The following NLGN1 variants were observed in gnomAD, a reference collection of about 807,000 sequenced individuals.
The protein encoded by NLGN1 is neuroligin 1, also known as neuroligin-1.
In NLGN1, 12 loss-of-function variants were observed where a neutral mutation model predicts 65.5. The ratio of observed to expected loss-of-function variants is 0.18; its 90% CI spans 0.12 to 0.30. The LOEUF (loss-of-function observed/expected upper bound fraction) is 0.30. Ranked by LOEUF, NLGN1 falls within the 10% of genes least tolerant of loss-of-function variation. The pLI is 1.00. For missense variants in NLGN1, 750 were observed against 1,007.1 expected, an observed-to-expected ratio of 0.74 and a Z score of 3.46; for synonymous variants, 350 against 359.5, an observed-to-expected ratio of 0.97 and a Z score of 0.30.
At chr3:173,882,052 A>G (rs931373192) in intron 4 of NLGN1, among the ~76,000 whole-genome samples, 4 of 152,188 alleles carry the variant, frequency 2.6e-5, no homozygotes, top group Non-Finnish European at 5.9e-5. Flanking sequence ...AGGCATAAAA[A>G]CAATAATCTC....
intron 4 of NLGN1, among the ~76,000 whole-genome samples, chr3:174,207,860 A>G (rs1292059129): frequency 2.0e-5 from 3 of 152,186 alleles, no homozygotes; most frequent in Non-Finnish European, 2.9e-5. Flanking sequence ...TTCTTGTTAG[A>G]GATGTACAAA....
intron 3 of NLGN1, among the ~76,000 whole-genome samples, chr3:173,710,464 T>C (rs564912650): frequency 6.6e-6 from 1 of 152,292 alleles, no homozygotes; most frequent in East Asian, 1.9e-4. Flanking sequence ...AAGTTTTAAA[T>C]GCAACGTTTC....
At chr3:173,715,720 A>G (rs1417912760) in intron 3 of NLGN1, among the ~76,000 whole-genome samples, 2 of 152,118 alleles carry the variant, frequency 1.3e-5, no homozygotes, top group Admixed American at 6.6e-5. Context: ...TTTTTAAGCT[A>G]TTTTCCAGAT....
chr3:174,152,419 T>C (rs1561168228), intron 4 of NLGN1, among the ~76,000 whole-genome samples: 1 of 152,124 alleles, frequency 6.6e-6, no homozygotes, highest in Non-Finnish European at 1.5e-5. Context: ...CACCGCATGT[T>C]CTCACTCATA....
At chr3:174,170,155 T>C (rs1458217200) in intron 4 of NLGN1, among the ~76,000 whole-genome samples, 1 of 152,096 alleles carries the variant, frequency 6.6e-6, no homozygotes, top group Non-Finnish European at 1.5e-5. Flanking sequence ...GAGTTGATCT[T>C]TATGTACTAT....
intron 3 of NLGN1, among the ~76,000 whole-genome samples, chr3:173,655,510 A>G (rs1422669474): frequency 6.6e-6 from 1 of 151,984 alleles, no homozygotes; most frequent in East Asian, 1.9e-4. Flanking sequence ...TTTGAGCTAC[A>G]TTTTTGGAAG....
At chr3:173,957,022 T>C (rs1712239091) in intron 4 of NLGN1, among the ~76,000 whole-genome samples, 1 of 152,116 alleles carries the variant, frequency 6.6e-6, no homozygotes, top group East Asian at 1.9e-4. Context: ...TAGGCATGTA[T>C]GAAAAGCTAT....
intron 3 of NLGN1, among the ~76,000 whole-genome samples, chr3:173,660,851 A>G (rs1347597778): frequency 1.3e-5 from 2 of 151,962 alleles, no homozygotes; most frequent in Non-Finnish European, 2.9e-5. Context: ...TCTTCACATT[A>G]TACTTGGATG....
intron 2 of NLGN1, among the ~76,000 whole-genome samples, chr3:173,600,116 A>C (rs903602131): frequency 1.3e-5 from 2 of 151,946 alleles, no homozygotes; most frequent in Non-Finnish European, 2.9e-5. Flanking sequence ...AGTTGCAAGC[A>C]TTAAGGATTA....
At chr3:173,456,269 C>G (rs2148869193) in intron 2 of NLGN1, among the ~76,000 whole-genome samples, 1 of 152,070 alleles carries the variant, frequency 6.6e-6, no homozygotes, top group Admixed American at 6.5e-5. Context: ...TGACATGAAA[C>G]AGTGACAAGA....
At chr3:173,493,535 A>C (rs777072626) in intron 2 of NLGN1, among the ~76,000 whole-genome samples, 1 of 151,914 alleles carries the variant, frequency 6.6e-6, no homozygotes, top group Non-Finnish European at 1.5e-5. Flanking sequence ...TATAATAGCT[A>C]ACATTTTATA....
intron 4 of NLGN1, among the ~76,000 whole-genome samples, chr3:174,208,002 A>G (rs1357560070): frequency 2.6e-5 from 4 of 152,228 alleles, no homozygotes; most frequent in Non-Finnish European, 4.4e-5. Flanking sequence ...ACCCCTTGAC[A>G]CATTATAAAG....
intron 4 of NLGN1, among the ~76,000 whole-genome samples, chr3:174,069,598 A>T (rs1344031864): frequency 6.6e-6 from 1 of 151,654 alleles, no homozygotes; most frequent in Non-Finnish European, 1.5e-5. Context: ...ATGAAGGAAA[A>T]ACAGCACACT....
chr3:173,451,420 AG>A (rs1721496231), intron 2 of NLGN1, among the ~76,000 whole-genome samples: 1 of 152,092 alleles, frequency 6.6e-6, no homozygotes, highest in Non-Finnish European at 1.5e-5. Context: ...TTCCTCTGGA[AG>A]TTTTGTCTCA....
intron 4 of NLGN1, among the ~76,000 whole-genome samples, chr3:173,849,203 C>T (rs1016604117): frequency 5.3e-5 from 8 of 151,908 alleles, no homozygotes; most frequent in Non-Finnish European, 1.0e-4. Context: ...AAATTAATGA[C>T]GGTATTTTTT....
intron 4 of NLGN1, among the ~76,000 whole-genome samples, chr3:174,099,945 G>T (rs1218099973): frequency 1.3e-5 from 2 of 152,136 alleles, no homozygotes; most frequent in African/African-American, 2.4e-5. Flanking sequence ...TGTGGCAGCT[G>T]TCACTGTTGA....
chr3:173,927,088 A>C (rs938783559), intron 4 of NLGN1, among the ~76,000 whole-genome samples: 22 of 151,634 alleles, frequency 1.5e-4, no homozygotes, highest in African/African-American at 5.3e-4. Context: ...TTTGAAATGG[A>C]GTTTCACTCT....
chr3:174,022,978 A>G (rs1220281991), intron 4 of NLGN1, among the ~76,000 whole-genome samples: 4 of 152,134 alleles, frequency 2.6e-5, no homozygotes, highest in Non-Finnish European at 5.9e-5. Flanking sequence ...ATTATGTTAT[A>G]CTTCAATACA....
intron 4 of NLGN1, among the ~76,000 whole-genome samples, chr3:174,164,661 A>G (rs558782653): frequency 2.0e-5 from 3 of 152,054 alleles, no homozygotes; most frequent in Non-Finnish European, 4.4e-5. Context: ...CGAAGCATAG[A>G]TGGTTGTAGG....
Sources: allele counts gnomAD v4.1 joint callset (sites outside exome capture counted in the v4.1 genomes callset), GRCh38; gene constraint gnomAD v4.1.1; transcripts MANE v1.5; gene names NCBI Gene and HGNC (gene_info 2026-07-23, HGNC 2026-07-21).